The following RBFOX1 variants were observed in gnomAD, a reference collection of about 807,000 sequenced individuals.
RBFOX1 encodes the protein RNA binding fox-1 homolog 1, also known as RNA binding protein fox-1 homolog 1.
RBFOX1 carries 8 observed loss-of-function variants against 57.7 expected under a neutral mutation model. The ratio of observed to expected loss-of-function variants is 0.14; its 90% CI spans 0.08 to 0.25. RBFOX1 has a LOEUF of 0.25. RBFOX1 is among the 10% of genes least tolerant of loss of function. The pLI is 1.00. For missense variants in RBFOX1, 611 were observed against 548.5 expected (o/e 1.11, Z -1.14); for synonymous variants, 326 against 222.4 (o/e 1.47, Z -4.15).
intron 4 of RBFOX1, among the ~76,000 whole-genome samples, chr16:7,256,142 C>A (rs887817644): frequency 6.6e-6 from 1 of 152,118 alleles, no homozygotes; most frequent in Non-Finnish European, 1.5e-5. Flanking sequence ...AAAATAAATA[C>A]ATAGAATGTA....
At chr16:7,225,838 G>T (rs925432421) in intron 4 of RBFOX1, among the ~76,000 whole-genome samples, 2 of 148,410 alleles carry the variant, frequency 1.3e-5, no homozygotes, top group East Asian at 3.9e-4. Flanking sequence ...CACCAACATG[G>T]CATATGTATA....
At chr16:6,714,400 C>T (rs934188291) in intron 3 of RBFOX1, among the ~76,000 whole-genome samples, 2 of 152,072 alleles carry the variant, frequency 1.3e-5, no homozygotes, top group African/African-American at 4.8e-5. Flanking sequence ...AGGCCACCTG[C>T]AGAATTTATT....
At chr16:7,275,783 A>G (rs998734807) in intron 4 of RBFOX1, among the ~76,000 whole-genome samples, 2 of 152,222 alleles carry the variant, frequency 1.3e-5, no homozygotes. Flanking sequence ...GCTTAAAGGG[A>G]TCATCTTGAA....
chr16:5,955,144 A>AAAAAAAAAAAAAAAAAC (rs1476418693), intron 4 of RBFOX1, among the ~76,000 whole-genome samples: 1 of 127,202 alleles, frequency 7.9e-6, no homozygotes, highest in Non-Finnish European at 1.6e-5. Flanking sequence ...AAAAAAAAAA[A>AAAAAAAAAAAAAAAAAC]AGCCAGGCGC....
chr16:5,873,371 G>T (rs1362409017), intron 4 of RBFOX1, among the ~76,000 whole-genome samples: 1 of 152,166 alleles, frequency 6.6e-6, no homozygotes, highest in Non-Finnish European at 1.5e-5. Context: ...TCCACTTGAA[G>T]ATCAGCAGTA....
intron 1 of RBFOX1, among the ~76,000 whole-genome samples, chr16:6,246,743 C>CTG (rs571753169): frequency 6.6e-5 from 10 of 152,182 alleles, no homozygotes; most frequent in Non-Finnish European, 1.5e-4. Context: ...CAGGCTGGTG[C>CTG]TGCCGCGGTC....
chr16:5,824,000 C>A (rs953539110), intron 3 of RBFOX1, among the ~76,000 whole-genome samples: 3 of 152,152 alleles, frequency 2.0e-5, no homozygotes, highest in South Asian at 2.1e-4. Context: ...AACCACTGAT[C>A]TATGGTATAA....
intron 1 of RBFOX1, among the ~76,000 whole-genome samples, chr16:5,241,569 C>G (rs1314367355): frequency 6.6e-6 from 1 of 152,192 alleles, no homozygotes; most frequent in African/African-American, 2.4e-5. Context: ...CCTTAGCTGG[C>G]TGACATGGCA....
At chr16:5,900,716 C>T (rs1034769411) in intron 4 of RBFOX1, among the ~76,000 whole-genome samples, 2 of 152,140 alleles carry the variant, frequency 1.3e-5, no homozygotes, top group African/African-American at 4.8e-5. Flanking sequence ...TCTTGGGGAC[C>T]TGGCGGCCAG....
At chr16:5,390,643 CA>C (rs1409112560) in intron 1 of RBFOX1, among the ~76,000 whole-genome samples, 10 of 152,034 alleles carry the variant, frequency 6.6e-5, no homozygotes, top group Non-Finnish European at 1.3e-4. Context: ...ATGTTTTAGC[CA>C]GGCGAATCTC....
intron 4 of RBFOX1, among the ~76,000 whole-genome samples, chr16:7,450,017 G>C (rs1044191100): frequency 1.3e-5 from 2 of 152,158 alleles, no homozygotes; most frequent in African/African-American, 4.8e-5. Flanking sequence ...CAGGAGGAGA[G>C]CCTTGTGGCA....
intron 10 of RBFOX1, among the ~76,000 whole-genome samples, chr16:7,626,580 C>A (rs2060106990): frequency 1.3e-5 from 2 of 152,170 alleles, no homozygotes; most frequent in Non-Finnish European, 1.5e-5. Context: ...CAGTCATCGA[C>A]AGTCCAGGCT....
intron 1 of RBFOX1, among the ~76,000 whole-genome samples, chr16:6,106,704 G>C (rs1042385673): frequency 3.3e-5 from 5 of 152,028 alleles, no homozygotes; most frequent in African/African-American, 4.8e-5. Flanking sequence ...GTGTCGCTCT[G>C]TTGCCCAGGG....
intron 4 of RBFOX1, among the ~76,000 whole-genome samples, chr16:7,155,596 A>G (rs979804070): frequency 5.2e-5 from 5 of 96,094 alleles, no homozygotes; most frequent in Non-Finnish European, 8.0e-5. Context: ...CACTTGTCTG[A>G]AAAAAAAAAA....
intron 4 of RBFOX1, among the ~76,000 whole-genome samples, chr16:7,061,430 C>T (rs2054233570): frequency 6.6e-6 from 1 of 152,114 alleles, no homozygotes; most frequent in Admixed American, 6.5e-5. Context: ...TCTCCAACTT[C>T]ATTGTGAAAT....
At chr16:5,584,792 G>C (rs891299357) in intron 2 of RBFOX1, among the ~76,000 whole-genome samples, 2 of 152,074 alleles carry the variant, frequency 1.3e-5, no homozygotes, top group African/African-American at 4.8e-5. Flanking sequence ...TCAGTGAATT[G>C]GCAACTGTAT....
At chr16:6,767,968 G>T (rs367647417) in intron 3 of RBFOX1, among the ~76,000 whole-genome samples, 23 of 146,970 alleles carry the variant, frequency 1.6e-4, no homozygotes, top group Admixed American at 6.8e-4. Flanking sequence ...AGAAGAAGAA[G>T]AAGAAGAAGA....
chr16:6,567,574 C>T (rs1367642072), intron 2 of RBFOX1, among the ~76,000 whole-genome samples: 2 of 152,126 alleles, frequency 1.3e-5, no homozygotes, highest in Admixed American at 1.3e-4. Context: ...TATGTGTCTG[C>T]TTGTTCTCAG....
At chr16:5,256,319 C>G (rs895504126) in intron 1 of RBFOX1, among the ~76,000 whole-genome samples, 8 of 152,168 alleles carry the variant, frequency 5.3e-5, no homozygotes, top group African/African-American at 1.9e-4. Flanking sequence ...TCCAGTCCTT[C>G]TGTCTCCTCT....
Sources: allele counts gnomAD v4.1 joint callset (sites outside exome capture counted in the v4.1 genomes callset), GRCh38; gene constraint gnomAD v4.1.1; transcripts MANE v1.5; gene names NCBI Gene and HGNC (gene_info 2026-07-23, HGNC 2026-07-21).